The following GRIK2 variants were observed in gnomAD, a reference collection of about 807,000 sequenced individuals.
The protein encoded by GRIK2 is glutamate receptor ionotropic, kainate 2.
Under a neutral mutation model 100.3 loss-of-function variants are expected in GRIK2, and 32 were observed. That is an observed-to-expected ratio of 0.32 (90% CI 0.24 to 0.43). GRIK2 has a LOEUF of 0.43. GRIK2 is among the 20% of genes least tolerant of loss of function. GRIK2 has a pLI of 1.00. For missense variants in GRIK2, 843 were observed against 1,114.9 expected (o/e 0.76, Z 3.47); for synonymous variants, 417 against 389.4 (o/e 1.07, Z -0.83).
At chr6:101,874,960 T>A (rs1785717262) in intron 11 of GRIK2, among the ~76,000 whole-genome samples, 1 of 152,144 alleles carries the variant, frequency 6.6e-6, no homozygotes, top group Non-Finnish European at 1.5e-5. Flanking sequence ...ATCCTGAGAC[T>A]TTGCTGAAGT....
chr6:101,657,449 T>C (rs1582905110), intron 4 of GRIK2, among the ~76,000 whole-genome samples: 1 of 152,098 alleles, frequency 6.6e-6, no homozygotes, highest in Non-Finnish European at 1.5e-5. Context: ...CAGTCTTGGG[T>C]GGTATCTTTA....
At chr6:101,705,030 CATATAT>C (rs1263010905) in intron 7 of GRIK2, among the ~76,000 whole-genome samples, 2 of 136,314 alleles carry the variant, frequency 1.5e-5, no homozygotes, top group African/African-American at 5.1e-5. Context: ...TATTATATTA[CATATAT>C]TTATATTTAT....
chr6:101,647,914 C>T (rs115576713), intron 4 of GRIK2, among the ~76,000 whole-genome samples: 1,704 of 152,048 alleles, frequency 0.011, 19 homozygotes, highest in African/African-American at 0.026. Context: ...GTTTATCAAC[C>T]TTGGTGCTGT....
chr6:101,731,201 A>C (rs1468960199), intron 7 of GRIK2, among the ~76,000 whole-genome samples: 2 of 151,998 alleles, frequency 1.3e-5, no homozygotes, highest in African/African-American at 2.4e-5. Context: ...ATCAATGGAC[A>C]ATTCCACCCT....
intron 7 of GRIK2, among the ~76,000 whole-genome samples, chr6:101,703,190 A>C (rs1223722645): frequency 6.6e-6 from 1 of 151,916 alleles, no homozygotes; most frequent in Non-Finnish European, 1.5e-5. Flanking sequence ...GTGAGTCATT[A>C]GCACATAGAT....
At chr6:101,625,244 G>A (rs1294816390) in intron 3 of GRIK2, among the ~76,000 whole-genome samples, 1 of 151,982 alleles carries the variant, frequency 6.6e-6, no homozygotes, top group East Asian at 1.9e-4. Context: ...TTGGTGGCAT[G>A]TGCCTGTAGT....
Position 101,797,880 on chromosome 6 carries a change from C to A in GRIK2, c.952-1768C>A, listed in dbSNP as rs184251790. Among the ~76,000 whole-genome samples the A allele has an allele frequency of 6.6e-4, 98 of 149,154 alleles. 1 individual carries two copies. Among genetic ancestry groups the A allele is most frequent in the African/African-American group, 2.2e-3 (90 of 40,988 alleles). On this transcript the variant is annotated intron_variant, in intron 7 of 16. Transcript: ENST00000369134. Reference sequence around the variant, plus strand: ...AATGATTTATGCTGGAAATGCAGTTCTGTATAATCTAAATCTAATTTAACA... The same window carrying A: ...AATGATTTATGCTGGAAATGCAGTTATGTATAATCTAAATCTAATTTAACA...
chr6:101,919,272 A>G (rs1004292312), intron 12 of GRIK2, among the ~76,000 whole-genome samples: 6 of 151,838 alleles, frequency 4.0e-5, no homozygotes, highest in Non-Finnish European at 8.8e-5. Context: ...ACAGTTTTAG[A>G]AAGTCCGTGA....
At chr6:101,930,492 A>G (rs1790199439) in intron 14 of GRIK2, among the ~76,000 whole-genome samples, 1 of 152,124 alleles carries the variant, frequency 6.6e-6, no homozygotes, top group South Asian at 2.1e-4. Context: ...TTTGTAAAAT[A>G]TAATAATACA....
chr6:101,717,195 C>T (rs1774134967), intron 7 of GRIK2, among the ~76,000 whole-genome samples: 1 of 151,466 alleles, frequency 6.6e-6, no homozygotes, highest in South Asian at 2.1e-4. Flanking sequence ...AAAAAGGAGT[C>T]AAGAGTAGGA....
intron 12 of GRIK2, among the ~76,000 whole-genome samples, chr6:101,912,815 T>C (rs115637989): frequency 0.011 from 1,631 of 151,708 alleles, 25 homozygotes; most frequent in African/African-American, 0.038. Flanking sequence ...TCTTATGAGG[T>C]AGTGTTTACA....
intron 2 of GRIK2, among the ~76,000 whole-genome samples, chr6:101,476,970 A>G (rs1308901281): frequency 1.3e-5 from 2 of 152,208 alleles, no homozygotes; most frequent in Admixed American, 1.3e-4. Flanking sequence ...GGTTTACCAT[A>G]CCAGAGTAGC....
At chr6:101,718,926 A>G (rs986609243) in intron 7 of GRIK2, among the ~76,000 whole-genome samples, 2 of 152,072 alleles carry the variant, frequency 1.3e-5, no homozygotes, top group Admixed American at 1.3e-4. Flanking sequence ...TGTAAAGAAA[A>G]TACAAATGGA....
intron 2 of GRIK2, among the ~76,000 whole-genome samples, chr6:101,438,591 A>G (rs530653527): frequency 3.9e-5 from 6 of 152,104 alleles, no homozygotes; most frequent in African/African-American, 4.8e-5. Flanking sequence ...TGAGATTGCC[A>G]TCAAGAAATG....
At position 101,689,105 on chromosome 6, in the gene GRIK2, A is replaced by G. The variant is rs17062352; in HGVS notation, c.951+2752A>G. Among the ~76,000 whole-genome samples, 1,493 of 152,136 alleles carry G rather than the reference A, an allele frequency of 9.8e-3. 12 individuals are homozygous for G. The highest frequency in any genetic ancestry group is 0.025 in the African/African-American group (1,046 of 41,548). ...TTTCACAAGTCATTAAATGTTTAGGAAAAGAAATTAATAAGCTGTTTCCAC... is the reference window on the plus strand; with the variant it reads ...TTTCACAAGTCATTAAATGTTTAGGGAAAGAAATTAATAAGCTGTTTCCAC... On this transcript the variant is annotated intron_variant, in intron 7 of 16. Transcript: ENST00000369134.
At chr6:101,528,071 C>T (rs1241554671) in intron 2 of GRIK2, among the ~76,000 whole-genome samples, 2 of 152,066 alleles carry the variant, frequency 1.3e-5, no homozygotes, top group African/African-American at 4.8e-5. Flanking sequence ...TACTTTAACT[C>T]AATTTCTTCA....
At chr6:101,775,827 G>GGAGAGA (rs746085161) in intron 7 of GRIK2, among the ~76,000 whole-genome samples, 5 of 149,542 alleles carry the variant, frequency 3.3e-5, no homozygotes, top group African/African-American at 1.2e-4. Context: ...ATATATATAT[G>GGAGAGA]GAGAGAGAGA....
intron 14 of GRIK2, among the ~76,000 whole-genome samples, chr6:102,021,631 A>G: frequency 6.6e-6 from 1 of 151,648 alleles, no homozygotes; most frequent in East Asian, 1.9e-4. Context: ...GAGGCTTATT[A>G]GTATTTTTTC....
At chr6:101,836,584 G>A (rs891291526) in intron 10 of GRIK2, among the ~76,000 whole-genome samples, 11 of 144,784 alleles carry the variant, frequency 7.6e-5, no homozygotes, top group African/African-American at 2.0e-4. Flanking sequence ...CATTATATGT[G>A]TGCTCCTTTT....
Sources: allele counts gnomAD v4.1 joint callset (sites outside exome capture counted in the v4.1 genomes callset), GRCh38; gene constraint gnomAD v4.1.1; transcripts MANE v1.5; gene names NCBI Gene and HGNC (gene_info 2026-07-23, HGNC 2026-07-21).